Variants in SSH2 observed in about 807,000 individuals in gnomAD.
The protein encoded by SSH2 is protein phosphatase Slingshot homolog 2.
In SSH2, 37 loss-of-function variants were observed where a neutral mutation model predicts 135.2. That is an observed-to-expected ratio of 0.27 (90% CI 0.21 to 0.36). The LOEUF is 0.36. Ranked by LOEUF, SSH2 falls within the 10% of genes least tolerant of loss-of-function variation. SSH2 has a pLI of 1.00. For synonymous variants in SSH2, 628 were observed against 646.2 expected, an observed-to-expected ratio of 0.97 and a Z score of 0.43; for missense variants, 1,408 against 1,765.3, an observed-to-expected ratio of 0.80 and a Z score of 3.63.
intron 3 of SSH2, among the ~76,000 whole-genome samples, chr17:29,704,716 A>AAAAAAAAAAAAAAAAAAC (rs2039129563): frequency 6.6e-6 from 1 of 151,352 alleles, no homozygotes; most frequent in Non-Finnish European, 1.5e-5. Context: ...AAAAAAAAAA[A>AAAAAAAAAAAAAAAAAAC]AAAAAAAAAG....
At chr17:29,795,751 C>A (rs1393844704) in intron 2 of SSH2, among the ~76,000 whole-genome samples, 6 of 151,874 alleles carry the variant, frequency 4.0e-5, no homozygotes, top group African/African-American at 1.4e-4. Flanking sequence ...TTTTCCTTAT[C>A]TTTTTTTTAG....
rs74986622 is a variant in SSH2, at chr17:29,638,606, C to T, written c.1428-1804G>A. Among the ~76,000 whole-genome samples the T allele has an allele frequency of 2.8e-4, 43 of 151,040 alleles. 2 individuals carry two copies. In the East Asian group the frequency reaches 5.7e-3, roughly 20 times the overall value. ...GCCACCAGGCTGGAGTGCAGTGAAA[C>T]GATCAGAGCTCACTGCAGCCTCAAC... On this transcript the variant is annotated intron_variant, in intron 14 of 15. Transcript: ENST00000540801.
intron 1 of SSH2, among the ~76,000 whole-genome samples, chr17:29,926,709 T>C (rs780794249): frequency 2.6e-5 from 4 of 152,206 alleles, no homozygotes; most frequent in Non-Finnish European, 4.4e-5. Context: ...CTTTATCTCT[T>C]ACTACTGTCC....
intron 2 of SSH2, among the ~76,000 whole-genome samples, chr17:29,799,942 C>A (rs778370940): frequency 1.3e-5 from 2 of 152,156 alleles, no homozygotes; most frequent in Non-Finnish European, 2.9e-5. Context: ...ATACTTATAA[C>A]CCAAGATGGC....
chr17:29,832,970 T>C (rs1195942620), intron 2 of SSH2, among the ~76,000 whole-genome samples: 1 of 152,196 alleles, frequency 6.6e-6, no homozygotes, highest in Non-Finnish European at 1.5e-5. Context: ...CCCAGCCATT[T>C]TTTTCTTTTA....
chr17:29,654,916 G>A (rs1406359378), intron 12 of SSH2, among the ~76,000 whole-genome samples: 1 of 152,092 alleles, frequency 6.6e-6, no homozygotes, highest in Non-Finnish European at 1.5e-5. Context: ...CACAGAAGAC[G>A]CTCAATCAAT....
At chr17:29,913,528 T>G (rs1400674327) in intron 1 of SSH2, among the ~76,000 whole-genome samples, 1 of 149,790 alleles carries the variant, frequency 6.7e-6, no homozygotes, top group African/African-American at 2.4e-5. Flanking sequence ...ATTAAAGTAG[T>G]CAATTTTCCA....
chr17:29,666,769 C>T (rs2037296752), intron 11 of SSH2, 98 bp downstream of exon 11: 1 of 1,153,712 alleles, frequency 8.7e-7, no homozygotes, highest in Non-Finnish European at 1.2e-6. Flanking sequence ...AAGTAAGTTA[C>T]ATTTTATTTA....
At chr17:29,913,347 A>AAAAAAAAATTATATATATAT in intron 1 of SSH2, among the ~76,000 whole-genome samples, 3 of 28,786 alleles carry the variant, frequency 1.0e-4, no homozygotes, top group Non-Finnish European at 5.9e-5. Flanking sequence ...AAAAAAAAAA[A>AAAAAAAAATTATATATATAT]ATATATATAT....
chr17:29,800,991 G>A (rs1183727025), intron 2 of SSH2, among the ~76,000 whole-genome samples: 1 of 151,232 alleles, frequency 6.6e-6, no homozygotes, highest in East Asian at 1.9e-4. Context: ...TCAGCCTCCC[G>A]AGTAGCTGGG....
chr17:29,836,671 C>T (rs2151374154), intron 2 of SSH2, among the ~76,000 whole-genome samples: 1 of 152,318 alleles, frequency 6.6e-6, no homozygotes, highest in South Asian at 2.1e-4. Flanking sequence ...GTGGTTTTAA[C>T]AGCAAGTCAT....
chr17:29,895,073 T>C (rs2151449997), intron 1 of SSH2, among the ~76,000 whole-genome samples: 1 of 151,406 alleles, frequency 6.6e-6, no homozygotes, highest in South Asian at 2.1e-4. Flanking sequence ...CATGTATTTC[T>C]ACAAATGGCT....
At chr17:29,813,403 T>G (rs1342842571) in intron 2 of SSH2, among the ~76,000 whole-genome samples, 1 of 151,810 alleles carries the variant, frequency 6.6e-6, no homozygotes, top group African/African-American at 2.4e-5. Flanking sequence ...TAGAAGCAGA[T>G]AATTCACAAA....
intron 3 of SSH2, among the ~76,000 whole-genome samples, chr17:29,750,609 A>G (rs2040904045): frequency 6.6e-6 from 1 of 151,770 alleles, no homozygotes; most frequent in Non-Finnish European, 1.5e-5. Context: ...TGCAGCCTCA[A>G]ACTCCTGGGT....
chr17:29,670,598 AC>A (rs2151041918), intron 9 of SSH2, among the ~76,000 whole-genome samples: 1 of 151,728 alleles, frequency 6.6e-6, no homozygotes, highest in South Asian at 2.1e-4. Context: ...ACATGGTGAA[AC>A]CCCGTCACTA....
intron 3 of SSH2, among the ~76,000 whole-genome samples, chr17:29,763,595 C>G (rs982819411): frequency 6.6e-6 from 1 of 151,772 alleles, no homozygotes; most frequent in Non-Finnish European, 1.5e-5. Flanking sequence ...GAAGTCAACA[C>G]TAAATGATGC....
intron 1 of SSH2, chr17:29,925,421 A>G: frequency 5.0e-6 from 2 of 398,128 alleles, no homozygotes; most frequent in East Asian, 3.6e-5. Flanking sequence ...TATATTGTAG[A>G]CTTGAAAATT....
intron 14 of SSH2, among the ~76,000 whole-genome samples, chr17:29,643,970 T>C (rs1329904960): frequency 2.0e-5 from 3 of 152,174 alleles, no homozygotes; most frequent in Non-Finnish European, 4.4e-5. Context: ...CATCTGGCAA[T>C]TGTCAGACAA....
chr17:29,734,243 G>T (rs1257042026), intron 3 of SSH2, among the ~76,000 whole-genome samples: 1 of 152,026 alleles, frequency 6.6e-6, no homozygotes, highest in African/African-American at 2.4e-5. Context: ...GAGAGAAAAT[G>T]GTCTGAGTTT....
Sources: gnomAD v4.1 joint callset for allele counts (sites outside exome capture counted in the v4.1 genomes callset) on GRCh38, gnomAD v4.1.1 for gene constraint, MANE v1.5 for transcripts, NCBI Gene and HGNC (gene_info 2026-07-23, HGNC 2026-07-21) for gene names.